The following GRAMD2B variants were observed in gnomAD, a reference collection of about 807,000 sequenced individuals.
The protein encoded by GRAMD2B is GRAM domain containing 2B, also known as GRAM domain-containing protein 2B.
GRAMD2B carries 41 observed loss-of-function variants against 59.2 expected under a neutral mutation model. The observed-to-expected ratio is 0.69, with a 90% CI of 0.54 to 0.90. The LOEUF is 0.90. Among genes scored for constraint, GRAMD2B ranks in the 40% least tolerant of loss-of-function variants. The pLI is 0.00. For synonymous variants in GRAMD2B, 161 were observed against 182.7 expected (o/e 0.88, Z 0.96); for missense variants, 424 against 500.5 (o/e 0.85, Z 1.46).
chr5:126,366,846 C>CTTTTTTTT, upstream of GRAMD2B, among the ~76,000 whole-genome samples: 1 of 107,682 alleles, frequency 9.3e-6, no homozygotes, highest in Non-Finnish European at 1.8e-5. Context: ...CAGACCAAGG[C>CTTTTTTTT]TTTTTTTTTT....
intron 6 of GRAMD2B, among the ~76,000 whole-genome samples, chr5:126,479,816 A>G (rs1182185760): frequency 6.6e-6 from 1 of 152,244 alleles, no homozygotes; most frequent in Admixed American, 6.5e-5. Context: ...GTAAATTTTT[A>G]TATTTTCTGA....
intron 1 of GRAMD2B, among the ~76,000 whole-genome samples, chr5:126,463,829 G>A (rs1767803341): frequency 6.6e-6 from 1 of 152,152 alleles, no homozygotes; most frequent in African/African-American, 2.4e-5. Flanking sequence ...GACCAGCCTG[G>A]CCAACATGGC....
At chr5:126,419,977 C>G (rs1171550087), upstream of GRAMD2B, among the ~76,000 whole-genome samples, 1 of 149,866 alleles carries the variant, frequency 6.7e-6, no homozygotes, top group Non-Finnish European at 1.5e-5. Flanking sequence ...ATTGCTTGAA[C>G]CCAGGAGGCA....
intron 1 of GRAMD2B, among the ~76,000 whole-genome samples, chr5:126,372,297 T>C (rs181979072): frequency 4.2e-4 from 64 of 152,288 alleles, no homozygotes; most frequent in African/African-American, 1.3e-3. Flanking sequence ...TCATCCAACT[T>C]TCATGTAAAC....
rs1280682559 is a variant in GRAMD2B, at chr5:126,457,763, G to T, written c.84-7663G>T. 4.6e-4 allele frequency among the ~76,000 whole-genome samples: 5 copies of T among 10,764 alleles called. No individual in the cohort carries two copies. The East Asian group carries it at 0.5, about 1,076-fold the overall frequency. 7.1% of individuals were successfully genotyped at this position (10,764 alleles called of 152,430 possible). A position where few individuals can be genotyped will look rare whatever the true frequency, so the allele number is the denominator to read the frequency against. ...AACACTAGGGCACAGGTTTCTCATG[G>T]GGGCTTGGAGTGGGGCTGGACTAGG... On this transcript the variant is annotated intron_variant, in intron 1 of 13. Coordinates refer to ENST00000285689, the MANE Select transcript of GRAMD2B (RefSeq NM_023927.4).
At chr5:126,402,578 C>T (rs1471042549) in intron 1 of GRAMD2B, among the ~76,000 whole-genome samples, 10 of 151,958 alleles carry the variant, frequency 6.6e-5, no homozygotes, top group African/African-American at 2.4e-4. Flanking sequence ...ATCTCTTTGA[C>T]AGATCCACAA....
chr5:126,466,686 A>G (rs2126793944), intron 2 of GRAMD2B, among the ~76,000 whole-genome samples: 1 of 152,272 alleles, frequency 6.6e-6, no homozygotes, highest in Non-Finnish European at 1.5e-5. Context: ...TTGGCCTCCC[A>G]AAGGGCCAGC....
intron 1 of GRAMD2B, among the ~76,000 whole-genome samples, chr5:126,444,570 ATT>A (rs1763878667): frequency 6.6e-6 from 1 of 152,202 alleles, no homozygotes; most frequent in Admixed American, 6.5e-5. Flanking sequence ...AGAATTCCAT[ATT>A]TTGTTTCAAA....
At chr5:126,476,861 A>G (rs1770725748) in intron 5 of GRAMD2B, among the ~76,000 whole-genome samples, 1 of 152,162 alleles carries the variant, frequency 6.6e-6, no homozygotes, top group African/African-American at 2.4e-5. Flanking sequence ...AACACTGGGC[A>G]TTTTGCATAT....
intron 1 of GRAMD2B, among the ~76,000 whole-genome samples, chr5:126,417,393 G>A (rs533634852): frequency 6.6e-6 from 1 of 152,348 alleles, no homozygotes; most frequent in East Asian, 1.9e-4. Context: ...CTAGCCACGT[G>A]GAGCACTGCA....
chr5:126,379,331 A>AT (rs1424769491), intron 1 of GRAMD2B, among the ~76,000 whole-genome samples: 4 of 151,844 alleles, frequency 2.6e-5, no homozygotes, highest in African/African-American at 9.7e-5. Flanking sequence ...CTGGTTCCAT[A>AT]TTTTTGCAAT....
At chr5:126,383,647 C>T (rs958369584) in intron 1 of GRAMD2B, among the ~76,000 whole-genome samples, 1 of 152,100 alleles carries the variant, frequency 6.6e-6, no homozygotes, top group Non-Finnish European at 1.5e-5. Context: ...TATGGCAAAA[C>T]TATGCGAACA....
chr5:126,422,609 T>C (rs1322078207), upstream of GRAMD2B, among the ~76,000 whole-genome samples: 1 of 152,196 alleles, frequency 6.6e-6, no homozygotes, highest in Non-Finnish European at 1.5e-5. Flanking sequence ...AGCCAAAAGA[T>C]TGGACACCCC....
At chr5:126,450,262 C>T (rs924311788) in intron 1 of GRAMD2B, among the ~76,000 whole-genome samples, 1 of 152,094 alleles carries the variant, frequency 6.6e-6, no homozygotes, top group African/African-American at 2.4e-5. Flanking sequence ...GAACATTTCT[C>T]TCTTCTAAGT....
At chr5:126,457,563 G>T (rs185911861) in intron 1 of GRAMD2B, among the ~76,000 whole-genome samples, 1 of 151,702 alleles carries the variant, frequency 6.6e-6, no homozygotes, top group African/African-American at 2.4e-5. Flanking sequence ...CCTGGGAGGC[G>T]GAGGTTGCAG....
At chr5:126,400,808 T>C (rs141392273) in intron 1 of GRAMD2B, among the ~76,000 whole-genome samples, 1 of 152,130 alleles carries the variant, frequency 6.6e-6, no homozygotes, top group Non-Finnish European at 1.5e-5. Flanking sequence ...TGCTGGTAAA[T>C]CTTCTGATAG....
At chr5:126,400,301 G>T (rs1197550806) in intron 1 of GRAMD2B, among the ~76,000 whole-genome samples, 1 of 152,158 alleles carries the variant, frequency 6.6e-6, no homozygotes, top group East Asian at 1.9e-4. Flanking sequence ...TTAGCTTATT[G>T]TAAGCTGATA....
chr5:126,409,480 C>T (rs192436073), intron 1 of GRAMD2B, among the ~76,000 whole-genome samples: 4,283 of 152,144 alleles, frequency 0.028, 94 homozygotes, highest in Admixed American at 0.058. Flanking sequence ...GCTGCATAAA[C>T]GTCTTCTTTT....
Position 126,400,266 on chromosome 5 carries a change from A to G in GRAMD2B, c.125+28699A>G, listed in dbSNP as rs539558411. ...CTAAACTTCATGGTAATCACAAGGAACATCTTATAATTATGTTATAACAGT... is the reference window on the plus strand; with the variant it reads ...CTAAACTTCATGGTAATCACAAGGAGCATCTTATAATTATGTTATAACAGT... On this transcript the variant is annotated intron_variant, in intron 1 of 8. Transcript: ENST00000506445. 1.4e-4 allele frequency among the ~76,000 whole-genome samples: 22 copies of G among 152,268 alleles called. 1 individual carries two copies. In the East Asian group the frequency reaches 4.3e-3, roughly 29 times the overall value.
Sources: gnomAD v4.1 joint callset for allele counts (sites outside exome capture counted in the v4.1 genomes callset) on GRCh38, gnomAD v4.1.1 for gene constraint, MANE v1.5 for transcripts, NCBI Gene and HGNC (gene_info 2026-07-23, HGNC 2026-07-21) for gene names.